Variants in STK3 observed in about 807,000 individuals in gnomAD.
STK3 encodes the protein serine/threonine kinase 3.
STK3 carries 41 observed loss-of-function variants against 58.0 expected under a neutral mutation model. The ratio of observed to expected loss-of-function variants is 0.71; its 90% CI spans 0.55 to 0.92. The LOEUF (loss-of-function observed/expected upper bound fraction) is 0.92. Among genes scored for constraint, STK3 ranks in the 40% least tolerant of loss-of-function variants. The pLI, the probability that STK3 is intolerant of heterozygous loss-of-function variation, is 0.00. For missense variants in STK3, 479 were observed against 602.7 expected (o/e 0.79, Z 2.15); for synonymous variants, 170 against 191.0 (o/e 0.89, Z 0.91).
chr8:98,694,439 T>G lies in STK3; in HGVS notation c.684+12028A>C, dbSNP rs1442100935. Among the ~76,000 whole-genome samples, 4 of 152,098 alleles carry G rather than the reference T, an allele frequency of 2.6e-5. No individual in the cohort carries two copies. In the South Asian group the frequency reaches 6.2e-4, roughly 24 times the overall value. On this transcript the variant is annotated intron_variant, in intron 6 of 10. Transcript: ENST00000419617. ...TATGTATACATGTGCCATGCGGGTG[T>G]GCTGCACCCATTAACTCGTCATTTA... is the stretch of plus-strand genomic sequence containing the variant.
Position 98,800,886 on chromosome 8 carries a change from C to T in STK3, c.26+24629G>A, listed in dbSNP as rs1349640829. 6.6e-6 allele frequency among the ~76,000 whole-genome samples: 1 copy of T among 152,226 alleles called. No individual in the cohort carries two copies. Among genetic ancestry groups the T allele is most frequent in the African/African-American group, 2.4e-5 (1 of 41,454 alleles). On this transcript the variant is annotated intron_variant, in intron 1 of 10. Coordinates refer to ENST00000419617, the MANE Select transcript of STK3 (RefSeq NM_006281.4). The surrounding 1 kb of genome is among the most constrained non-coding windows in gnomAD (Gnocchi z 4.8). ...GAGCCCCCCCCACCAAGGTGGGCTC[C>T]CGTGCAGCCGGAGCCTCCCCAACAG... is the stretch of plus-strand genomic sequence containing the variant.
chr8:98,868,650 T>C (rs1837235543), intron 3 of STK3, among the ~76,000 whole-genome samples: 1 of 152,152 alleles, frequency 6.6e-6, no homozygotes, highest in Non-Finnish European at 1.5e-5. Flanking sequence ...ATGTATCCAT[T>C]TGGAACCTGT....
chr8:98,701,186 AAGGGAGGG>A lies in STK3; in HGVS notation c.684+5273_684+5280del, dbSNP rs371125769. On this transcript the variant is annotated intron_variant, in intron 6 of 10. Transcript: ENST00000419617. ...GAGACCCTGTCACATGGATGGAAGG[AAGGGAGGG>A]AGGGAGGGAGGGAAAAGAAAGGAAA... 7.1e-3 allele frequency among the ~76,000 whole-genome samples: 980 copies of A among 138,262 alleles called. 7 individuals are homozygous for A. The highest frequency in any genetic ancestry group is 0.024 in the African/African-American group (917 of 37,746). 90.7% of individuals were successfully genotyped at this position (138,262 alleles called of 152,430 possible).
intron 6 of STK3, among the ~76,000 whole-genome samples, chr8:98,673,762 T>A (rs998216732): frequency 6.6e-6 from 1 of 152,124 alleles, no homozygotes; most frequent in East Asian, 1.9e-4. Flanking sequence ...ATGAAATTCA[T>A]CTCAATAATT....
chr8:98,540,937 T>C (rs73275851), intron 9 of STK3, among the ~76,000 whole-genome samples: 2,749 of 152,172 alleles, frequency 0.018, 87 homozygotes, highest in African/African-American at 0.063. Flanking sequence ...TACTGAGGAG[T>C]GGTTGCAGTA....
chr8:98,883,704 G>C (rs1303178460), downstream of STK3: 2 of 702,916 alleles, frequency 2.8e-6, no homozygotes, highest in South Asian at 3.0e-5. Context: ...GAAGACAGAG[G>C]CTGCTCCGTT....
chr8:98,735,648 T>A (rs1023130432), intron 4 of STK3, among the ~76,000 whole-genome samples: 4 of 152,154 alleles, frequency 2.6e-5, no homozygotes, highest in African/African-American at 9.7e-5. Context: ...TACAGGAGTT[T>A]TACCTTTTTC....
At chr8:98,674,055 T>G (rs940180067) in intron 6 of STK3, among the ~76,000 whole-genome samples, 1 of 152,196 alleles carries the variant, frequency 6.6e-6, no homozygotes, top group South Asian at 2.1e-4. Context: ...GAACTCTCGC[T>G]TCCTCCAAAA....
downstream of STK3, among the ~76,000 whole-genome samples, chr8:98,368,220 C>G (rs28452766): frequency 0.22 from 33,460 of 152,212 alleles, 3,735 homozygotes; most frequent in Middle Eastern, 0.38. Flanking sequence ...GAGCTATAGC[C>G]TATCTTCCTT....
chr8:98,606,517 C>T (rs997589996), intron 6 of STK3, among the ~76,000 whole-genome samples: 4 of 152,118 alleles, frequency 2.6e-5, no homozygotes, highest in African/African-American at 9.7e-5. Context: ...CTTCAGGATA[C>T]AGGATGGTCA....
At chr8:98,898,688 G>A (rs1470293666) in intron 1 of STK3, among the ~76,000 whole-genome samples, 1 of 152,184 alleles carries the variant, frequency 6.6e-6, no homozygotes, top group African/African-American at 2.4e-5. Flanking sequence ...AACGCATACA[G>A]AAAGACCTAG....
intron 1 of STK3, among the ~76,000 whole-genome samples, chr8:98,815,239 ATG>A (rs1834472166): frequency 6.6e-6 from 1 of 152,250 alleles, no homozygotes. Context: ...TAGAAAATAA[ATG>A]TGTAGTGGAG....
chr8:98,704,620 AT>A (rs938967058), intron 6 of STK3, among the ~76,000 whole-genome samples: 2 of 151,838 alleles, frequency 1.3e-5, no homozygotes, highest in East Asian at 1.9e-4. Flanking sequence ...ATACAGGTAT[AT>A]TTTTTTCTAA....
At chr8:98,466,034 T>C (rs1337121398) in intron 10 of STK3, among the ~76,000 whole-genome samples, 3 of 152,206 alleles carry the variant, frequency 2.0e-5, no homozygotes, top group African/African-American at 7.2e-5. Context: ...AGTAATTAAA[T>C]CTTTCTGGAT....
At chr8:98,885,030 T>C (rs1472702226) in intron 1 of STK3, among the ~76,000 whole-genome samples, 1 of 152,180 alleles carries the variant, frequency 6.6e-6, no homozygotes, top group African/African-American at 2.4e-5. Flanking sequence ...ATGAAATAAA[T>C]CTCAAACAAA....
chr8:98,937,163 C>G (rs978764504), intron 1 of STK3, among the ~76,000 whole-genome samples: 4 of 152,162 alleles, frequency 2.6e-5, no homozygotes, highest in African/African-American at 9.7e-5. Flanking sequence ...CCAATCTAGC[C>G]GTCTGCCTCT....
chr8:98,839,111 A>G (rs1835866395), intron 3 of STK3, among the ~76,000 whole-genome samples: 1 of 151,024 alleles, frequency 6.6e-6, no homozygotes, highest in Non-Finnish European at 1.5e-5. Flanking sequence ...CAGTGGTGTG[A>G]TTTCGGCTCA....
chr8:98,860,552 C>T (rs377019857), intron 3 of STK3, among the ~76,000 whole-genome samples: 227 of 152,318 alleles, frequency 1.5e-3, no homozygotes, highest in African/African-American at 5.2e-3. Flanking sequence ...CCTCAACCCT[C>T]ATAGCCCAAC....
intron 1 of STK3, among the ~76,000 whole-genome samples, chr8:98,776,752 T>TA (rs906260272): frequency 0.013 from 1,667 of 128,070 alleles, 28 homozygotes; most frequent in African/African-American, 0.034. Flanking sequence ...TATGTCAAGA[T>TA]AAAAAAAAAA....
Sources: gnomAD v4.1 joint callset for allele counts (sites outside exome capture counted in the v4.1 genomes callset) on GRCh38, gnomAD v4.1.1 for gene constraint, Gnocchi (gnomAD v3.1) non-coding constraint, MANE v1.5 for transcripts, NCBI Gene and HGNC (gene_info 2026-07-23, HGNC 2026-07-21) for gene names.